USP4: variants seen among roughly 807,000 people sequenced by gnomAD.
USP4 encodes the protein ubiquitin specific peptidase 4.
In USP4, 72 loss-of-function variants were observed where a neutral mutation model predicts 118.2. The observed-to-expected ratio is 0.61, with a 90% CI of 0.50 to 0.74. The LOEUF is 0.74. Ranked by LOEUF, USP4 falls within the 30% of genes least tolerant of loss-of-function variation. The pLI is 0.00. For missense variants in USP4, 1,037 were observed against 1,185.7 expected (o/e 0.87, Z 1.84); for synonymous variants, 415 against 440.4 (o/e 0.94, Z 0.72).
At chr3:49,328,300 G>A (rs1189708881) in intron 2 of USP4, among the ~76,000 whole-genome samples, 3 of 152,018 alleles carry the variant, frequency 2.0e-5, no homozygotes, top group African/African-American at 7.2e-5. Context: ...AGAGGTTGCA[G>A]TAAGCCAAGA....
Position 49,310,194 on chromosome 3 carries a change from G to A in USP4, c.954+426C>T, listed in dbSNP as rs1288444349. 4.0e-5 allele frequency among the ~76,000 whole-genome samples: 6 copies of A among 151,762 alleles called. No homozygotes were observed. In the East Asian group the frequency reaches 1.2e-3, roughly 29 times the overall value. ...CCCGCCTCTGCCTCCCAAAGTGCTG[G>A]GATTACAGGCGTGAGCCACTGCGCC... On this transcript the variant is annotated intron_variant, in intron 8 of 21. Coordinates refer to ENST00000265560, the MANE Select transcript of USP4 (RefSeq NM_003363.4).
chr3:49,322,974 C>CT lies in USP4; in HGVS notation c.695+1727dup, dbSNP rs539610491. Among the ~76,000 whole-genome samples, 370 of 147,994 alleles carry CT rather than the reference C, an allele frequency of 2.5e-3. 3 individuals carry two copies. The highest frequency in any genetic ancestry group is 0.017 in the South Asian group (80 of 4,670). Reference sequence around the variant, plus strand: ...CTTCACTCACTGGTGAACAGACATTCTTTTTTTTTTGAGATGGAGTTTCGC... The same window carrying CT: ...CTTCACTCACTGGTGAACAGACATTCTTTTTTTTTTTGAGATGGAGTTTCGC... On this transcript the variant is annotated intron_variant, in intron 6 of 21. Transcript: ENST00000265560.
At chr3:49,296,289 T>C (rs1050307823) in intron 13 of USP4, among the ~76,000 whole-genome samples, 14 of 140,726 alleles carry the variant, frequency 9.9e-5, no homozygotes, top group East Asian at 2.3e-4. Flanking sequence ...GATCACACCA[T>C]TGTACTCCAG....
At chr3:49,318,462 G>A (rs548036950) in intron 6 of USP4, 2 of 985,502 alleles carry the variant, frequency 2.0e-6, no homozygotes, top group East Asian at 2.3e-4. Flanking sequence ...TAAAGGGAAA[G>A]AGAGAAACAG....
chr3:49,326,705 CTCT>C (rs1317387665), intron 3 of USP4, among the ~76,000 whole-genome samples: 2 of 91,786 alleles, frequency 2.2e-5, no homozygotes, highest in East Asian at 1.4e-3. Context: ...TGATCAAAGA[CTCT>C]TTTTTTTTTT....
chr3:49,326,699 C>A (rs1424916253), intron 3 of USP4, among the ~76,000 whole-genome samples: 1 of 124,106 alleles, frequency 8.1e-6, no homozygotes, highest in Non-Finnish European at 1.7e-5. Flanking sequence ...ACGGCCTGAT[C>A]AAAGACTCTT....
intron 6 of USP4, among the ~76,000 whole-genome samples, chr3:49,321,307 T>C (rs1370895996): frequency 6.6e-6 from 1 of 152,184 alleles, no homozygotes; most frequent in Non-Finnish European, 1.5e-5. Context: ...CCCCATAAAT[T>C]ACATAAACTT....
chr3:49,277,180 C>T lies in USP4; in HGVS notation c.*1113G>A, dbSNP rs545924633. ...GGCGAGTCGGCAGCCACGTCCTTGT[C>T]CTCACCCGCAGCGCAGTGACGCCGA... On this transcript the variant is annotated 3_prime_UTR_variant, in exon 22 of 22. Transcript: ENST00000265560. The T allele has an allele frequency of 1.5e-5, 21 of 1,380,280 alleles. No homozygotes were observed. In the South Asian group the frequency reaches 2.3e-4, roughly 15 times the overall value. 85.5% of individuals were successfully genotyped at this position (1,380,280 alleles called of 1,614,324 possible).
At chr3:49,295,000 ATTGAG>A (rs2047187555) in intron 13 of USP4, among the ~76,000 whole-genome samples, 1 of 152,176 alleles carries the variant, frequency 6.6e-6, no homozygotes, top group Admixed American at 6.6e-5. Flanking sequence ...TAAAAAATGT[ATTGAG>A]TTGGCTGGGC....
chr3:49,337,830 G>A lies in USP4; in HGVS notation c.101+2094C>T, dbSNP rs536619736. ...TGGGAGGCTGAGTCAGGTGGATCAC[G>A]AGGTCAGGAGATCGAGACCATCCTG... On this transcript the variant is annotated intron_variant, in intron 1 of 21. Transcript: ENST00000265560. Among the ~76,000 whole-genome samples the A allele has an allele frequency of 4.0e-4, 61 of 151,074 alleles. No homozygotes were observed. In the East Asian group the frequency reaches 0.011, roughly 27 times the overall value.
chr3:49,305,183 C>T (rs1172639547), intron 9 of USP4, among the ~76,000 whole-genome samples: 1 of 150,586 alleles, frequency 6.6e-6, no homozygotes, highest in East Asian at 2.0e-4. Flanking sequence ...CGCCATTCTC[C>T]TTCCCCAGCC....
At position 49,281,529 on chromosome 3, in the gene USP4, CACAT is replaced by C. The variant is rs1335345334; in HGVS notation, c.2541-686_2541-683del. On this transcript the variant is annotated intron_variant, in intron 19 of 21. Transcript: ENST00000265560. ...ACACACACACACACACACACACACA[CACAT>C]ATATACATTTATATATACACACACA... 5.8e-4 allele frequency among the ~76,000 whole-genome samples: 84 copies of C among 146,026 alleles called. 2 individuals carry two copies. Among genetic ancestry groups the C allele is most frequent in the South Asian group, 1.9e-3 (9 of 4,668 alleles).
chr3:49,295,735 C>CACACACACACACACACA (rs765943049), intron 13 of USP4, among the ~76,000 whole-genome samples: 2 of 136,362 alleles, frequency 1.5e-5, no homozygotes, highest in Admixed American at 6.9e-5. Flanking sequence ...CACACACACA[C>CACACACACACACACACA]CCCCCCCTCC....
chr3:49,285,717 C>A (rs2047084578), intron 16 of USP4, among the ~76,000 whole-genome samples: 1 of 152,206 alleles, frequency 6.6e-6, no homozygotes, highest in Non-Finnish European at 1.5e-5. Flanking sequence ...AATCCATGAC[C>A]ATCCTCTGAA....
chr3:49,339,396 G>A (rs572870934), intron 1 of USP4, among the ~76,000 whole-genome samples: 1 of 152,288 alleles, frequency 6.6e-6, no homozygotes, highest in East Asian at 1.9e-4. Flanking sequence ...AGACACTGCT[G>A]CCGCAAATAT....
rs140851016 is a variant in USP4 at position 49,307,924 on chromosome 3, G to C, written c.955-2036C>G. On this transcript the variant is annotated intron_variant, in intron 8 of 21. Coordinates refer to ENST00000265560, the MANE Select transcript of USP4 (RefSeq NM_003363.4). ...AAGCTGAGGTGGGAGGATCACTTGA[G>C]CCCAGGAGTTCAAGGTTACAGTGAG... Among the ~76,000 whole-genome samples, 38 of 152,192 alleles carry C rather than the reference G, an allele frequency of 2.5e-4. 1 individual carries two copies. Among genetic ancestry groups the C allele is most frequent in the Admixed American group, 1.1e-3 (17 of 15,266 alleles).
chr3:49,322,633 G>A (rs891527594), intron 6 of USP4, among the ~76,000 whole-genome samples: 2 of 152,096 alleles, frequency 1.3e-5, no homozygotes, highest in African/African-American at 4.8e-5. Flanking sequence ...GGCTAAGGCA[G>A]GCAGATAACT....
chr3:49,334,908 ACT>A (rs1248237896), intron 2 of USP4, among the ~76,000 whole-genome samples: 2 of 152,060 alleles, frequency 1.3e-5, no homozygotes, highest in African/African-American at 4.8e-5. Flanking sequence ...GGAAAAGCTG[ACT>A]CTGTCATCTC....
intron 9 of USP4, 119 bp from the exon 10 acceptor site, chr3:49,302,661 G>T: frequency 1.0e-6 from 1 of 971,574 alleles, no homozygotes; most frequent in South Asian, 1.7e-5. Context: ...GAGAACACTT[G>T]GTTGAGTAGT....
Sources: gnomAD v4.1 joint callset for allele counts (sites outside exome capture counted in the v4.1 genomes callset) on GRCh38, gnomAD v4.1.1 for gene constraint, MANE v1.5 for transcripts, NCBI Gene and HGNC (gene_info 2026-07-23, HGNC 2026-07-21) for gene names.